The following TENM2 variants were observed in gnomAD, a reference collection of about 807,000 sequenced individuals.
The protein encoded by TENM2 is teneurin-2.
TENM2 carries 52 observed loss-of-function variants against 245.2 expected under a neutral mutation model. That is an observed-to-expected ratio of 0.21 (90% confidence interval 0.17 to 0.27). TENM2 has a LOEUF of 0.27. TENM2 is among the 10% of genes least tolerant of loss of function. The probability of loss-of-function intolerance (pLI) is 1.00; values close to 1 mark genes in which losing one functional copy is unlikely to be tolerated. For synonymous variants in TENM2, 1,363 were observed against 1,438.9 expected (o/e 0.95, Z 1.19); for missense variants, 3,046 against 3,666.8 (o/e 0.83, Z 4.37).
intron 4 of TENM2, among the ~76,000 whole-genome samples, chr5:167,991,643 G>T (rs1399269260): frequency 6.6e-6 from 1 of 152,178 alleles, no homozygotes; most frequent in East Asian, 1.9e-4. Flanking sequence ...CTACTGTATG[G>T]TTCTGCTGTG....
At position 167,870,980 on chromosome 5, in the gene TENM2, G is replaced by A. The variant is rs147890989; in HGVS notation, c.503-5006G>A. Among the ~76,000 whole-genome samples, 22 of 152,172 alleles carry A rather than the reference G, an allele frequency of 1.4e-4. No individual in the cohort carries two copies. In the East Asian group the frequency reaches 2.7e-3, roughly 19 times the overall value. On this transcript the variant is annotated intron_variant, in intron 2 of 28. Transcript: ENST00000518659. ...GCAACATGCCCTCTGTCATAAATTCGTGAATATATTAAAAAGGGTTGGGCA... is the reference window on the plus strand; with the variant it reads ...GCAACATGCCCTCTGTCATAAATTCATGAATATATTAAAAAGGGTTGGGCA...
At chr5:167,448,208 T>G (rs1463634025) in intron 2 of TENM2, among the ~76,000 whole-genome samples, 1 of 152,118 alleles carries the variant, frequency 6.6e-6, no homozygotes, top group Non-Finnish European at 1.5e-5. Context: ...TAATAATTCA[T>G]TACTGTACCA....
chr5:167,982,029 C>A (rs1427275871), intron 4 of TENM2, among the ~76,000 whole-genome samples: 3 of 151,874 alleles, frequency 2.0e-5, no homozygotes, highest in Admixed American at 6.6e-5. Flanking sequence ...AGATCCCATG[C>A]CTTCAAGCCA....
At chr5:167,463,405 C>A (rs1766444646) in intron 2 of TENM2, among the ~76,000 whole-genome samples, 1 of 152,162 alleles carries the variant, frequency 6.6e-6, no homozygotes, top group South Asian at 2.1e-4. Flanking sequence ...AGAGTATTTA[C>A]CCCACAGTAA....
chr5:167,505,912 G>T (rs190447793), intron 2 of TENM2, among the ~76,000 whole-genome samples: 1 of 152,240 alleles, frequency 6.6e-6, no homozygotes, highest in African/African-American at 2.4e-5. Context: ...TGAGCATGGT[G>T]GTTCACACCT....
the TENM2 span, among the ~76,000 whole-genome samples, chr5:167,164,032 C>T: frequency 6.6e-6 from 1 of 152,102 alleles, no homozygotes. Flanking sequence ...AGTGCAATTG[C>T]ATTAAGAGTA....
Position 167,425,900 on chromosome 5 carries a change from G to T in TENM2, c.502+50427G>T, listed in dbSNP as rs370305643. 1.3e-3 allele frequency among the ~76,000 whole-genome samples: 203 copies of T among 152,242 alleles called. 9 individuals are homozygous for T. The South Asian group carries it at 0.041, about 31-fold the overall frequency. On this transcript the variant is annotated intron_variant, in intron 2 of 28. Coordinates refer to ENST00000518659, the Ensembl canonical transcript of TENM2. ...ACTTATTATTATTGCTGGTAATACTGTCGTTAGCATTACTTTTGCTGTTAT... is the reference window on the plus strand; with the variant it reads ...ACTTATTATTATTGCTGGTAATACTTTCGTTAGCATTACTTTTGCTGTTAT...
chr5:167,470,476 T>TTTTTTTTTTTTTTTTG (rs1766952080), intron 2 of TENM2, among the ~76,000 whole-genome samples: 1 of 144,634 alleles, frequency 6.9e-6, no homozygotes, highest in Non-Finnish European at 1.5e-5. Flanking sequence ...TTTTTTTTTT[T>TTTTTTTTTTTTTTTTG]GCTTATGGAA....
chr5:167,790,575 G>A (rs1172708656), intron 2 of TENM2, among the ~76,000 whole-genome samples: 1 of 152,136 alleles, frequency 6.6e-6, no homozygotes, highest in South Asian at 2.1e-4. Flanking sequence ...GCAGTGCCTG[G>A]ACCCTTCAGA....
chr5:167,402,710 A>G (rs1157382856), intron 2 of TENM2, among the ~76,000 whole-genome samples: 2 of 152,110 alleles, frequency 1.3e-5, no homozygotes, highest in East Asian at 3.9e-4. Flanking sequence ...CACATAATAA[A>G]TGGTAAATAG....
chr5:168,077,740 C>G (rs1398375018), intron 7 of TENM2, among the ~76,000 whole-genome samples: 3 of 152,138 alleles, frequency 2.0e-5, no homozygotes, highest in African/African-American at 7.2e-5. Context: ...ATCCATGTCC[C>G]TACAAAGGAC....
chr5:167,508,804 C>G (rs768969215), intron 2 of TENM2, among the ~76,000 whole-genome samples: 1 of 152,092 alleles, frequency 6.6e-6, no homozygotes, highest in Non-Finnish European at 1.5e-5. Context: ...CAATTTTTCC[C>G]TAATATCTGA....
chr5:167,615,442 A>G (rs1373104515), intron 2 of TENM2, among the ~76,000 whole-genome samples: 1 of 152,120 alleles, frequency 6.6e-6, no homozygotes, highest in East Asian at 1.9e-4. Flanking sequence ...TGAACCTGAG[A>G]TTGACACTCC....
At chr5:167,356,949 T>A (rs1759372658) in intron 1 of TENM2, among the ~76,000 whole-genome samples, 2 of 152,234 alleles carry the variant, frequency 1.3e-5, no homozygotes, top group Admixed American at 1.3e-4. Context: ...TTTCTTTTGA[T>A]TTTCATAGAA....
the TENM2 span, among the ~76,000 whole-genome samples, chr5:167,201,298 A>C: frequency 6.6e-6 from 1 of 152,208 alleles, no homozygotes; most frequent in African/African-American, 2.4e-5. Context: ...TATGCCAAGC[A>C]TTTGATTGGA....
intron 1 of TENM2, among the ~76,000 whole-genome samples, chr5:167,291,248 A>C (rs1165211175): frequency 6.6e-6 from 1 of 152,100 alleles, no homozygotes; most frequent in Admixed American, 6.6e-5. Flanking sequence ...GAACACTCTT[A>C]TTCATATGAC....
At chr5:167,734,131 A>G (rs536396200) in intron 2 of TENM2, among the ~76,000 whole-genome samples, 1 of 152,300 alleles carries the variant, frequency 6.6e-6, no homozygotes, top group African/African-American at 2.4e-5. Context: ...GTGGGAAACA[A>G]ATTACTGTAC....
chr5:167,971,708 CAAACAAACAAAACA>C (rs920371936), intron 4 of TENM2, among the ~76,000 whole-genome samples: 7 of 151,756 alleles, frequency 4.6e-5, no homozygotes, highest in African/African-American at 9.7e-5. Context: ...CTAAAACAAA[CAAACAAACAAAACA>C]AAACAAAACA....
At chr5:167,293,350 C>T (rs978859374) in intron 1 of TENM2, among the ~76,000 whole-genome samples, 7 of 150,252 alleles carry the variant, frequency 4.7e-5, no homozygotes, top group Admixed American at 6.6e-5. Flanking sequence ...TACAGGGATG[C>T]GTCACCATGT....
Sources: allele counts gnomAD v4.1 joint callset (sites outside exome capture counted in the v4.1 genomes callset), GRCh38; gene constraint gnomAD v4.1.1; transcripts MANE v1.5; gene names NCBI Gene and HGNC (gene_info 2026-07-23, HGNC 2026-07-21).